Variants in AHRR observed in about 807,000 individuals in gnomAD.
AHRR encodes the protein ahR repressor.
Under a neutral mutation model 44.0 loss-of-function variants are expected in AHRR, and 28 were observed. The ratio of observed to expected loss-of-function variants is 0.64; its 90% confidence interval spans 0.47 to 0.87. The LOEUF (loss-of-function observed/expected upper bound fraction) is 0.87, where lower values mean the gene tolerates loss of function less well. Among genes scored for constraint, AHRR ranks in the 40% least tolerant of loss-of-function variants. The pLI is 0.00. For missense variants in AHRR, 990 were observed against 953.9 expected, an observed-to-expected ratio of 1.04 and a Z score of -0.50; for synonymous variants, 434 against 407.0, an observed-to-expected ratio of 1.07 and a Z score of -0.80.
chr5:334,628 C>T (rs1742055823), intron 1 of AHRR, among the ~76,000 whole-genome samples: 2 of 151,828 alleles, frequency 1.3e-5, no homozygotes, highest in Admixed American at 1.3e-4. Context: ...TTTTCAGATT[C>T]CTCACACATC....
chr5:403,520 C>T (rs1340980320), intron 4 of AHRR, among the ~76,000 whole-genome samples: 1 of 151,844 alleles, frequency 6.6e-6, no homozygotes, highest in African/African-American at 2.4e-5. Context: ...CCTGTAATCC[C>T]AGCTACTCGG....
At chr5:324,058 T>G (rs1205835926) in intron 1 of AHRR, among the ~76,000 whole-genome samples, 2 of 126,744 alleles carry the variant, frequency 1.6e-5, no homozygotes, top group African/African-American at 1.1e-4. Flanking sequence ...TCTCTCTCTC[T>G]CTTTCTTTCC....
At chr5:330,869 A>ATTTTTTT (rs34221385) in intron 1 of AHRR, among the ~76,000 whole-genome samples, 1 of 97,496 alleles carries the variant, frequency 1.0e-5, no homozygotes, top group African/African-American at 4.4e-5. Context: ...ATAATTCAGC[A>ATTTTTTT]TTTTTTTTTT....
chr5:424,524 G>A (rs1303612050), intron 7 of AHRR, among the ~76,000 whole-genome samples: 6 of 151,584 alleles, frequency 4.0e-5, no homozygotes, highest in Admixed American at 2.6e-4. Flanking sequence ...GGGCTGTGAC[G>A]CCTCTGGGCA....
Position 423,841 on chromosome 5 carries a change from G to A in AHRR, c.572G>A (p.Gly191Glu), listed in dbSNP as rs760494595. ...VFGQPPPLET[G>E]DDAILGRLLR... ...GCCCCTTGGCCCCTATGGTCTGCAG[G>A]AGATGATGCTATCCTGGGGAGGCTG... Residue 191 changes from glycine (G) to glutamate (E), a missense_variant and splice_region_variant, in exon 7 of 11, where the codon GGA becomes GAA. Gly to Glu is a moderately conservative substitution (Grantham distance 98, BLOSUM62 -2). Transcript: ENST00000684583. 1.2e-6 allele frequency: 2 copies of A among 1,600,398 alleles called. No individual in the cohort carries two copies. The highest frequency in any genetic ancestry group is 2.2e-5 in the South Asian group (2 of 90,806).
intron 4 of AHRR, among the ~76,000 whole-genome samples, chr5:384,894 C>T (rs1393173680): frequency 2.0e-5 from 3 of 152,052 alleles, no homozygotes; most frequent in Non-Finnish European, 4.4e-5. Context: ...GCCTGTTATC[C>T]CAGCACTTTG....
At chr5:362,341 ACAG>A (rs1469056149) in intron 3 of AHRR, among the ~76,000 whole-genome samples, 1 of 152,226 alleles carries the variant, frequency 6.6e-6, no homozygotes, top group African/African-American at 2.4e-5. Context: ...TCATTTTGTT[ACAG>A]CAGCCCTAGA....
Position 427,923 on chromosome 5 carries a change from C to T in AHRR, c.825C>T (p.Leu275=). 7 of 1,614,122 alleles carry T rather than the reference C, an allele frequency of 4.3e-6. No homozygotes were observed. Among genetic ancestry groups the T allele is most frequent in the Non-Finnish European group, 5.9e-6 (7 of 1,180,040 alleles). Residue 275 remains leucine (L), a synonymous_variant, in exon 8 of 11, where the codon CTC becomes CTT. Transcript: ENST00000684583. ...TCTGCATTGCGGCACCCGTTCTCCT[C>T]CCCTCCGCAGCGGAGATGAAAATGA... The part of the protein sequence containing the change: ...SLFCIAAPVL[L]PSAAEMKMRS...
chr5:327,450 C>A (rs1419409043), intron 1 of AHRR, among the ~76,000 whole-genome samples: 1 of 152,242 alleles, frequency 6.6e-6, no homozygotes, highest in Non-Finnish European at 1.5e-5. Context: ...ACAAATTCAG[C>A]ACCTACTTGT....
rs754462794 is a variant in AHRR at position 376,725 on chromosome 5, C to T, written c.351+9C>T. ...GAAGGCTGCTGTTGGAGGTGAGTGC[C>T]ACCCTTGGTACCTCGAACACTTGAC... On this transcript the variant is annotated intron_variant, in intron 4 of 10. Transcript: ENST00000684583. The T allele has an allele frequency of 1.3e-6, 2 of 1,598,556 alleles. No homozygotes were observed. The highest frequency in any genetic ancestry group is 2.3e-5 in the South Asian group (2 of 88,542).
Position 376,605 on chromosome 5 carries a change from G to C in AHRR, c.245-5G>C. 1 of 1,586,258 alleles carries C rather than the reference G, an allele frequency of 6.3e-7. No homozygotes were observed. The highest frequency in any genetic ancestry group is 1.2e-5 in the South Asian group (1 of 86,002). Reference sequence around the variant, plus strand: ...GTGCCTAATGTGTCTTTTCTTCTCTGACAGTCGTGCAGGAGCAGAGCTCAC... The same window carrying C: ...GTGCCTAATGTGTCTTTTCTTCTCTCACAGTCGTGCAGGAGCAGAGCTCAC... On this transcript the variant is annotated splice_region_variant and splice_polypyrimidine_tract_variant and intron_variant, in intron 3 of 10. Coordinates refer to ENST00000684583, the MANE Select transcript of AHRR (RefSeq NM_001377236.1).
chr5:378,676 CAAG>C (rs1332321399), intron 4 of AHRR, among the ~76,000 whole-genome samples: 2 of 152,170 alleles, frequency 1.3e-5, no homozygotes, highest in Non-Finnish European at 2.9e-5. Context: ...GAGAGGGAAA[CAAG>C]GAGGAGGGCT....
intron 4 of AHRR, among the ~76,000 whole-genome samples, chr5:397,779 A>T (rs1420371457): frequency 9.5e-6 from 1 of 105,554 alleles, no homozygotes; most frequent in Non-Finnish European, 1.9e-5. Flanking sequence ...CCGTCCACGT[A>T]GCCCCTGACC....
At chr5:414,555 G>C (rs1735633623) in intron 5 of AHRR, among the ~76,000 whole-genome samples, 2 of 152,128 alleles carry the variant, frequency 1.3e-5, no homozygotes, top group East Asian at 3.9e-4. Context: ...CACAATGCAA[G>C]TTATAAACCC....
intron 5 of AHRR, among the ~76,000 whole-genome samples, chr5:416,488 T>C (rs1175261642): frequency 1.3e-5 from 2 of 152,236 alleles, no homozygotes; most frequent in African/African-American, 2.4e-5. Flanking sequence ...TTGCTGAGTG[T>C]GCCCTGGTAT....
At chr5:412,358 G>T (rs1044180268) in intron 4 of AHRR, among the ~76,000 whole-genome samples, 4 of 152,154 alleles carry the variant, frequency 2.6e-5, no homozygotes, top group Non-Finnish European at 5.9e-5. Flanking sequence ...AAATGTGCCC[G>T]CACTAGAGGG....
In AHRR at chr5:383,450, G is replaced by A. The variant is rs1045090493; in HGVS notation, c.351+6734G>A. On this transcript the variant is annotated intron_variant, in intron 4 of 10. Coordinates refer to ENST00000684583, the MANE Select transcript of AHRR (RefSeq NM_001377236.1). The surrounding 1 kb of genome is among the most constrained non-coding windows in gnomAD (Gnocchi z 4.0). ...GTACATACTCATTTAGGATATTACT[G>A]TGTTTTCTTCATGAATTGACCCTGT... Among the ~76,000 whole-genome samples the A allele has an allele frequency of 3.3e-5, 5 of 152,078 alleles. No homozygotes were observed. Among genetic ancestry groups the A allele is most frequent in the African/African-American group, 4.8e-5 (2 of 41,408 alleles).
intron 1 of AHRR, among the ~76,000 whole-genome samples, chr5:324,005 C>CTT (rs1553975167): frequency 6.0e-5 from 7 of 116,066 alleles, no homozygotes; most frequent in Non-Finnish European, 9.2e-5. Context: ...TTCTTTTTTT[C>CTT]TCTTTCTTTC....
At chr5:354,748 T>C (rs1405205254) in intron 3 of AHRR, among the ~76,000 whole-genome samples, 2 of 152,040 alleles carry the variant, frequency 1.3e-5, no homozygotes, top group Non-Finnish European at 2.9e-5. Context: ...TTGTGCCCGG[T>C]GCCTGCACTC....
Sources: gnomAD v4.1 joint callset for allele counts (sites outside exome capture counted in the v4.1 genomes callset) on GRCh38, gnomAD v4.1.1 for gene constraint, Gnocchi (gnomAD v3.1) non-coding constraint, MANE v1.5 for transcripts, NCBI Gene and HGNC (gene_info 2026-07-23, HGNC 2026-07-21) for gene names.